Variants in RASAL1 observed in about 807,000 individuals in gnomAD.
RASAL1 encodes the protein rasGAP-activating-like protein 1.
A neutral mutation model predicts 96.6 loss-of-function variants in RASAL1; 72 were observed. That is an observed-to-expected ratio of 0.75 (90% CI 0.62 to 0.91). The LOEUF is 0.91. Ranked by LOEUF, RASAL1 falls within the 40% of genes least tolerant of loss-of-function variation. RASAL1 has a pLI of 0.00. For synonymous variants in RASAL1, 405 were observed against 430.4 expected, an observed-to-expected ratio of 0.94 and a Z score of 0.73; for missense variants, 1,016 against 1,072.5, an observed-to-expected ratio of 0.95 and a Z score of 0.74.
chr12:113,127,768 C>A, intron 4 of RASAL1, 44 bp downstream of exon 4: 1 of 1,563,198 alleles, frequency 6.4e-7, no homozygotes. Context: ...AATGCCCACC[C>A]TGGGCATGGC....
chr12:113,103,723 C>T (rs1950542655), intron 18 of RASAL1: 2 of 628,186 alleles, frequency 3.2e-6, no homozygotes, highest in Non-Finnish European at 5.5e-6. Flanking sequence ...ACGTCGCATA[C>T]GCCAAGCAGC....
rs1271910280 is a variant in RASAL1 at position 113,121,644 on chromosome 12, G to A, written c.299-6C>T. On this transcript the variant is annotated splice_region_variant and splice_polypyrimidine_tract_variant and intron_variant, in intron 4 of 20. Transcript: ENST00000548055. ...GTTAATCCAGCTGTCAATCCCTGAA[G>A]GGCACAGGCACTAACATTTATGAAG... is the stretch of plus-strand genomic sequence containing the variant. 2.5e-6 allele frequency: 4 copies of A among 1,614,056 alleles called. No homozygotes were observed. In the African/African-American group the frequency reaches 4.0e-5, roughly 16 times the overall value.
chr12:113,114,717 T>G, intron 12 of RASAL1, 83 bp downstream of exon 12: 1 of 1,200,916 alleles, frequency 8.3e-7, no homozygotes, highest in Non-Finnish European at 1.2e-6. Context: ...TGGGTGGCAG[T>G]CAGCATGAAC....
In RASAL1 at chr12:113,105,866, C is replaced by T. The variant is rs372737439; in HGVS notation, c.1678G>A (p.Ala560Thr). Residue 560 changes from alanine to threonine, a missense_variant, in exon 16 of 21, where the codon GCC (alanine) becomes ACC (threonine). Ala to Thr is a moderately conservative substitution (Grantham distance 58). Transcript: ENST00000548055. ...GDEEAGVPAR[A>T]LFPPSAIVRE... ...ACAATGGCCGAGGGCGGGAACAGGGCCCTGGCTGGGACACCAGCTTCTAGG... is the reference window on the plus strand; with the variant it reads ...ACAATGGCCGAGGGCGGGAACAGGGTCCTGGCTGGGACACCAGCTTCTAGG... 6.2e-7 allele frequency: 1 copy of T among 1,613,552 alleles called. No individual in the cohort carries two copies. Among genetic ancestry groups the T allele is most frequent in the South Asian group, 1.1e-5 (1 of 91,022 alleles).
At position 113,115,498 on chromosome 12, in the gene RASAL1, G is replaced by A; in HGVS notation, c.1003+137C>T. On this transcript the variant is annotated intron_variant, in intron 10 of 20. Coordinates refer to ENST00000548055, the MANE Select transcript of RASAL1 (RefSeq NM_001301202.2). This position sits in a 1 kb window ranked among gnomAD's most constrained non-coding sequence, Gnocchi z 4.1. Reference sequence around the variant, plus strand: ...CTGCAATTGGGCTCCCAACTGTCTGGAGGTGCACAGCACAGGGACCCACAG... The same window carrying A: ...CTGCAATTGGGCTCCCAACTGTCTGAAGGTGCACAGCACAGGGACCCACAG... 8.0e-7 allele frequency: 1 copy of A among 1,245,964 alleles called. No individual in the cohort carries two copies. The highest frequency in any genetic ancestry group is 1.1e-6 in the Non-Finnish European group (1 of 906,230). 77.2% of individuals were successfully genotyped at this position (1,245,964 alleles called of 1,614,324 possible).
At chr12:113,105,197 G>A (rs1482210789) in intron 16 of RASAL1, among the ~76,000 whole-genome samples, 3 of 152,240 alleles carry the variant, frequency 2.0e-5, no homozygotes, top group Admixed American at 1.3e-4. Context: ...AGTCATGAAC[G>A]CCAGCCCCAC....
At chr12:113,101,098 A>G (rs1262452332) in intron 19 of RASAL1, among the ~76,000 whole-genome samples, 1 of 152,184 alleles carries the variant, frequency 6.6e-6, no homozygotes, top group Non-Finnish European at 1.5e-5. Context: ...CGAGGTCGCC[A>G]CCATTATTAT....
intron 1 of RASAL1, among the ~76,000 whole-genome samples, chr12:113,132,528 C>T (rs1389854691): frequency 6.6e-6 from 1 of 152,234 alleles, no homozygotes; most frequent in Admixed American, 6.5e-5. Flanking sequence ...CCAATGCCCC[C>T]TCTACCTATT....
Position 113,115,322 on chromosome 12 carries a change from C to T in RASAL1, c.1004-58G>A. The T allele has an allele frequency of 1.3e-6, 2 of 1,482,506 alleles. No individual in the cohort carries two copies. Among genetic ancestry groups the T allele is most frequent in the Non-Finnish European group, 1.9e-6 (2 of 1,060,684 alleles). The allele number at this position is 1,482,506 out of a possible 1,614,324, so 91.8% of individuals were successfully genotyped here. On this transcript the variant is annotated intron_variant, in intron 10 of 20. Transcript: ENST00000548055. The surrounding 1 kb of genome is among the most constrained non-coding windows in gnomAD (Gnocchi z 4.1). ...TTAGGGAGCTGAACCCAGCTCACCC[C>T]ACTCACCCAAGGTGGGAGTCATGAT...
In RASAL1 at chr12:113,103,975, C is replaced by T. The variant is rs551224667; in HGVS notation, c.2075G>A (p.Trp692Ter). 2.6e-6 allele frequency: 4 copies of T among 1,563,866 alleles called. No homozygotes were observed. The highest frequency in any genetic ancestry group is 2.4e-5 in the East Asian group (1 of 42,464). ...GCGCTCAGCCTGGAGGCAGCAGGTCCAGCGCGCGCTGCGGAAGGCACCGGG... is the reference window on the plus strand; with the variant it reads ...GCGCTCAGCCTGGAGGCAGCAGGTCTAGCGCGCGCTGCGGAAGGCACCGGG... Reference protein sequence around the residue: ...CHPGAFRSARWTCCLQAERSA... With the variant: ...CHPGAFRSAR The change falls in exon 18 of 21, where the codon TGG (tryptophan) becomes TAG (stop). Residue 692 changes from tryptophan (W) to a stop codon, truncating the protein, a stop_gained. Transcript: ENST00000548055. LOFTEE classifies it high-confidence loss of function.
chr12:113,108,047 C>G (rs1378547048), intron 14 of RASAL1, 38 bp downstream of exon 14: 2 of 1,575,440 alleles, frequency 1.3e-6, no homozygotes, highest in Admixed American at 2.0e-5. Flanking sequence ...TTTTCCCTGG[C>G]TAAAGTACCT....
chr12:113,112,719 A>AG (rs754181116), intron 12 of RASAL1, among the ~76,000 whole-genome samples: 4 of 152,122 alleles, frequency 2.6e-5, no homozygotes, highest in Non-Finnish European at 5.9e-5. Context: ...TGGGAGGCCG[A>AG]GGGGGCAGGT....
At chr12:113,109,717 T>C (rs1393887389) in intron 13 of RASAL1, among the ~76,000 whole-genome samples, 12 of 152,194 alleles carry the variant, frequency 7.9e-5, no homozygotes, top group Non-Finnish European at 7.3e-5. Flanking sequence ...GCCTTGGCAG[T>C]GACCCCTGTA....
At chr12:113,126,186 A>G (rs960242272) in intron 4 of RASAL1, among the ~76,000 whole-genome samples, 33 of 152,246 alleles carry the variant, frequency 2.2e-4, no homozygotes, top group African/African-American at 7.5e-4. Flanking sequence ...TCAGGAGGCC[A>G]AGGCAGGAGA....
rs746359477 is a variant in RASAL1 at position 113,119,149 on chromosome 12, G to C, written c.621C>G (p.Gly207=). The C allele has an allele frequency of 2.5e-6, 4 of 1,611,960 alleles. No individual in the cohort carries two copies. In the African/African-American group the frequency reaches 4.0e-5, roughly 16 times the overall value. The part of the protein sequence containing the change: ...RVELWDWDMV[G]KNDFLGMVEF... ...TCACCATGCCCAAGAAGTCATTCTT[G>C]CCCACCATGTCCCAGTCCCAGAGCT... The change falls in exon 7 of 21, where the codon GGC becomes GGG. Residue 207 remains glycine (G), a synonymous_variant. Transcript: ENST00000548055.
chr12:113,130,817 TC>T lies in RASAL1; in HGVS notation c.122+67del. On this transcript the variant is annotated intron_variant, in intron 2 of 20. Transcript: ENST00000548055. The surrounding 1 kb of genome is among the most constrained non-coding windows in gnomAD (Gnocchi z 5.1). ...CACTCCTTTAAATGTGAATTCTTGG[TC>T]CCAGATTCCCCAGGTCTAGAAAGAG... The T allele has an allele frequency of 1.5e-6, 2 of 1,342,432 alleles. No individual in the cohort carries two copies. 83.2% of individuals were successfully genotyped at this position (1,342,432 alleles called of 1,614,324 possible).
rs546147229 is a variant in RASAL1 at position 113,116,098 on chromosome 12, G to C, written c.732-47C>G. The stretch of plus-strand genomic sequence containing the variant: ...GAAAATGAAAGATCTGGCCGAACAC[G>C]ATGGCTCACGCCTGTAATCCCAGCA... On this transcript the variant is annotated intron_variant, in intron 8 of 20. Coordinates refer to ENST00000548055, the MANE Select transcript of RASAL1 (RefSeq NM_001301202.2). 3.4e-6 allele frequency: 5 copies of C among 1,473,610 alleles called. No individual in the cohort carries two copies. In the East Asian group the frequency reaches 9.4e-5, roughly 28 times the overall value. The allele number at this position is 1,473,610 out of a possible 1,614,324, so 91.3% of individuals were successfully genotyped here.
chr12:113,126,178 A>G (rs1951472908), intron 4 of RASAL1, among the ~76,000 whole-genome samples: 1 of 152,092 alleles, frequency 6.6e-6, no homozygotes, highest in African/African-American at 2.4e-5. Context: ...CCAGTTACTC[A>G]GGAGGCCAAG....
intron 4 of RASAL1, among the ~76,000 whole-genome samples, chr12:113,126,740 C>T (rs1430049636): frequency 6.6e-6 from 1 of 151,396 alleles, no homozygotes; most frequent in Non-Finnish European, 1.5e-5. Context: ...AAGGCATAGA[C>T]TCTGGAACTA....
Sources: allele counts gnomAD v4.1 joint callset (sites outside exome capture counted in the v4.1 genomes callset), GRCh38; gene constraint gnomAD v4.1.1; non-coding constraint Gnocchi (gnomAD v3.1); transcripts MANE v1.5; gene names NCBI Gene and HGNC (gene_info 2026-07-23, HGNC 2026-07-21).